REPS1: variants seen among roughly 807,000 people sequenced by gnomAD.
REPS1 encodes the protein ralBP1-associated Eps domain-containing protein 1.
REPS1 carries 39 observed loss-of-function variants against 100.9 expected under a neutral mutation model. That is an observed-to-expected ratio of 0.39 (90% confidence interval 0.30 to 0.50). The LOEUF is 0.50. REPS1 is among the 20% of genes least tolerant of loss of function. The pLI is 0.86. For missense variants in REPS1, 821 were observed against 968.5 expected (o/e 0.85, Z 2.02); for synonymous variants, 324 against 340.3 (o/e 0.95, Z 0.53).
intron 8 of REPS1, among the ~76,000 whole-genome samples, chr6:138,936,592 G>C (rs375234451): frequency 3.5e-5 from 5 of 143,044 alleles, no homozygotes; most frequent in Admixed American, 6.9e-5. Context: ...GGCAGGGTGG[G>C]GGGGGAGACA....
rs768108281 is a variant in REPS1 at position 138,930,148 on chromosome 6, A to AT, written c.1136-51dup. 23 of 1,505,136 alleles carry AT rather than the reference A, an allele frequency of 1.5e-5. No homozygotes were observed. The African/African-American group carries it at 3.2e-4, about 21-fold the overall frequency. The allele number at this position is 1,505,136 out of a possible 1,614,324, so 93.2% of individuals were successfully genotyped here. A position where few individuals can be genotyped will look rare whatever the true frequency, so the allele number is the denominator to read the frequency against. On this transcript the variant is annotated intron_variant, in intron 8 of 19. Transcript: ENST00000450536. ...CTCTATAAAGACTACATTGTAGTTT[A>AT]TTTTAGGCATATTTACTTATTAAAA...
Position 138,912,830 on chromosome 6 carries a change from A to G in REPS1, c.1906T>C (p.Phe636Leu), listed in dbSNP as rs1176241575. Reference sequence around the variant, plus strand: ...TCGTCGTTTACATTTGATGCAGCAAATACTTCAAACTGACTGAAATCTGCA... The same window carrying G: ...TCGTCGTTTACATTTGATGCAGCAAGTACTTCAAACTGACTGAAATCTGCA... Reference protein sequence around the residue: ...NFADFSQFEVFAASNVNDEQD... With the variant: ...NFADFSQFEVLAASNVNDEQD... Residue 636 changes from phenylalanine to leucine, a missense_variant, in exon 16 of 20, where the codon TTT becomes CTT. Phe to Leu is a conservative substitution (Grantham distance 22). Around this residue, in one of 3 missense-constraint regions of REPS1, gnomAD observed 757 missense variants for 866.4 expected, o/e 0.87. Coordinates refer to ENST00000450536, the MANE Select transcript of REPS1 (RefSeq NM_001286611.2). 1 of 1,614,018 alleles carries G rather than the reference A, an allele frequency of 6.2e-7. No individual in the cohort carries two copies. Among genetic ancestry groups the G allele is most frequent in the Non-Finnish European group, 8.5e-7 (1 of 1,180,024 alleles).
intron 6 of REPS1, 52 bp from the exon 7 acceptor site, chr6:138,943,628 C>T (rs760225578): frequency 1.1e-5 from 15 of 1,337,656 alleles, no homozygotes; most frequent in African/African-American, 1.0e-4. Flanking sequence ...TACGGATCCA[C>T]GAACAGAATG....
chr6:138,948,990 T>C lies in REPS1; in HGVS notation c.154-1077A>G, dbSNP rs138375377. Among the ~76,000 whole-genome samples the C allele has an allele frequency of 3.0e-3, 457 of 152,210 alleles. 1 individual carries two copies. The highest frequency in any genetic ancestry group is 0.01 in the African/African-American group (432 of 41,532). On this transcript the variant is annotated intron_variant, in intron 1 of 19. Coordinates refer to ENST00000450536, the MANE Select transcript of REPS1 (RefSeq NM_001286611.2). ...TAAGGAGCATGTCCTTCTGAAGAAA[T>C]GTAAAAGGGCAAAGAGAATAAACAG...
intron 1 of REPS1, among the ~76,000 whole-genome samples, chr6:138,970,256 G>A (rs1157864108): frequency 6.6e-6 from 1 of 151,996 alleles, no homozygotes; most frequent in African/African-American, 2.4e-5. Flanking sequence ...TTGTAAGTTG[G>A]ATAGATGGAA....
Position 138,987,624 on chromosome 6 carries a change from T to C in REPS1, c.59A>G (p.Tyr20Cys), listed in dbSNP as rs1400456626. ...EQKYYSDLFS[Y>C]CDIESTKKVV... is the part of the protein sequence containing the mutation. ...CTTCTTGGTGCTCTCAATGTCGCAG[T>C]AGGAGAAGAGATCTGAATAGTATTT... Residue 20 changes from tyrosine (Y) to cysteine (C), a missense_variant, in exon 1 of 20, where the codon TAC (tyrosine) becomes TGC (cysteine). Around this residue, in one of 3 missense-constraint regions of REPS1, gnomAD observed 36 missense variants for 36.7 expected, o/e 0.98. Coordinates refer to ENST00000450536, the MANE Select transcript of REPS1 (RefSeq NM_001286611.2). The C allele has an allele frequency of 6.4e-7, 1 of 1,551,050 alleles. No individual in the cohort carries two copies. Among genetic ancestry groups the C allele is most frequent in the Admixed American group, 2.0e-5 (1 of 50,996 alleles).
chr6:138,938,581 C>T (rs934907214), intron 8 of REPS1, among the ~76,000 whole-genome samples: 3 of 152,042 alleles, frequency 2.0e-5, no homozygotes, highest in East Asian at 1.9e-4. Context: ...GAGCATACTA[C>T]AATAAATAGG....
chr6:138,977,944 T>C (rs1380744001), intron 1 of REPS1, among the ~76,000 whole-genome samples: 1 of 152,256 alleles, frequency 6.6e-6, no homozygotes, highest in Non-Finnish European at 1.5e-5. Flanking sequence ...CTCTGGTCAG[T>C]GTGTGATAGT....
intron 14 of REPS1, 59 bp from the exon 15 acceptor site, chr6:138,914,820 G>T: frequency 7.5e-7 from 1 of 1,342,152 alleles, no homozygotes; most frequent in Non-Finnish European, 1.1e-6. Flanking sequence ...GTTAATAGAA[G>T]AAATAGGCTG....
At chr6:138,920,429 C>A (rs2128443809) in intron 11 of REPS1, 113 bp from the exon 12 acceptor site, 3 of 483,368 alleles carry the variant, frequency 6.2e-6, no homozygotes, top group Admixed American at 3.4e-5. Context: ...GCAGGTAAAT[C>A]CATAAAATGT....
At chr6:138,964,089 T>C (rs1783884719) in intron 1 of REPS1, among the ~76,000 whole-genome samples, 1 of 152,250 alleles carries the variant, frequency 6.6e-6, no homozygotes, top group Admixed American at 6.5e-5. Context: ...TAACTGCTCA[T>C]TGCTTTGCTT....
rs150828469 is a variant in REPS1, at chr6:138,903,608, C to T, written c.*1456G>A. On this transcript the variant is annotated 3_prime_UTR_variant, in exon 20 of 20. Transcript: ENST00000450536. ...TTTTTAAAAAGCATATTTTAAAAAA[C>T]AAAACTAAATGGAAACAGCAAAACT... The T allele has an allele frequency of 2.0e-3, 298 of 152,120 alleles. 1 individual carries two copies. The highest frequency in any genetic ancestry group is 7.1e-3 in the African/African-American group (294 of 41,530). 9.4% of individuals were successfully genotyped at this position (152,120 alleles called of 1,614,324 possible). A position where few individuals can be genotyped will look rare whatever the true frequency, so the allele number is the denominator to read the frequency against.
intron 13 of REPS1, chr6:138,916,207 TTTC>T (rs993770839): frequency 2.9e-5 from 11 of 380,096 alleles, no homozygotes; most frequent in Non-Finnish European, 4.2e-5. Context: ...TTAAGCAAAA[TTTC>T]TTTTTTTCTT....
chr6:138,955,483 T>TGTGTGTGTGTGTGG, intron 1 of REPS1, among the ~76,000 whole-genome samples: 1 of 148,622 alleles, frequency 6.7e-6, no homozygotes, highest in Non-Finnish European at 1.5e-5. Context: ...TGTGTGTGTG[T>TGTGTGTGTGTGTGG]GTGTGTAAAT....
intron 1 of REPS1, among the ~76,000 whole-genome samples, chr6:138,980,903 C>T (rs1784913504): frequency 6.6e-6 from 1 of 152,140 alleles, no homozygotes; most frequent in Admixed American, 6.5e-5. Context: ...TGTCTTGATC[C>T]TTCACCACTG....
rs182376780 is a variant in REPS1, at chr6:138,958,337, T to C, written c.154-10424A>G. ...TTTATTGTTAAGTTCTTGTGAACTA[T>C]CTGACTTTTTAAAACCATGAGCAGA... On this transcript the variant is annotated intron_variant, in intron 1 of 19. Coordinates refer to ENST00000450536, the MANE Select transcript of REPS1 (RefSeq NM_001286611.2). Among the ~76,000 whole-genome samples, 551 of 152,318 alleles carry C rather than the reference T, an allele frequency of 3.6e-3. 1 individual carries two copies. Among genetic ancestry groups the C allele is most frequent in the Non-Finnish European group, 4.7e-3 (323 of 68,022 alleles).
intron 1 of REPS1, among the ~76,000 whole-genome samples, chr6:138,961,705 C>T (rs186729730): frequency 6.6e-6 from 1 of 152,194 alleles, no homozygotes; most frequent in East Asian, 1.9e-4. Context: ...TAACTTTGAC[C>T]CCACAGACCA....
At chr6:138,984,760 T>C (rs900398143) in intron 1 of REPS1, among the ~76,000 whole-genome samples, 3 of 152,190 alleles carry the variant, frequency 2.0e-5, no homozygotes, top group Admixed American at 6.5e-5. Context: ...CACTGCTTTA[T>C]GAGTCATTTC....
chr6:138,940,277 A>C (rs17068142), intron 8 of REPS1, among the ~76,000 whole-genome samples: 13,402 of 152,218 alleles, frequency 0.088, 1,234 homozygotes, highest in African/African-American at 0.23. Flanking sequence ...TTCCCTTTTA[A>C]AAGTATAAAA....
Sources: gnomAD v4.1 joint callset for allele counts (sites outside exome capture counted in the v4.1 genomes callset) on GRCh38, gnomAD v4.1.1 for gene constraint, gnomAD v4.1.1 regional missense constraint, MANE v1.5 for transcripts, NCBI Gene and HGNC (gene_info 2026-07-23, HGNC 2026-07-21) for gene names.